CRYBG3: variants seen among roughly 807,000 people sequenced by gnomAD.
CRYBG3 encodes very large A-kinase anchor protein.
CRYBG3 carries 127 observed loss-of-function variants against 244.2 expected under a neutral mutation model. That is an observed-to-expected ratio of 0.52 (90% CI 0.45 to 0.60). The LOEUF (loss-of-function observed/expected upper bound fraction) is 0.60, where lower values mean the gene tolerates loss of function less well. Ranked by LOEUF, CRYBG3 falls within the 20% of genes least tolerant of loss-of-function variation. CRYBG3 has a pLI of 0.00. For synonymous variants in CRYBG3, 1,132 were observed against 1,195.8 expected (o/e 0.95, Z 1.10); for missense variants, 3,325 against 3,442.5 (o/e 0.97, Z 0.85).
intron 1 of CRYBG3, among the ~76,000 whole-genome samples, chr3:97,842,423 TG>T (rs933558209): frequency 1.1e-4 from 16 of 151,912 alleles, no homozygotes; most frequent in African/African-American, 2.7e-4. Context: ...TAACTGGGCA[TG>T]GTAGCATGCA....
intron 1 of CRYBG3, among the ~76,000 whole-genome samples, chr3:97,830,508 A>G (rs1183633332): frequency 2.6e-5 from 4 of 152,178 alleles, no homozygotes; most frequent in Non-Finnish European, 4.4e-5. Flanking sequence ...TATATCTAAC[A>G]AACAAGGGTA....
chr3:97,840,833 C>T (rs1038824420), intron 1 of CRYBG3: 7 of 152,106 alleles, frequency 4.6e-5, no homozygotes, highest in African/African-American at 1.7e-4. Flanking sequence ...ATTCACTTGT[C>T]AAGGTCAGCA....
In CRYBG3 at chr3:97,877,239, C is replaced by T. The variant is rs774132231; in HGVS notation, c.6045C>T (p.Ser2015=). 7.4e-6 allele frequency: 12 copies of T among 1,613,420 alleles called. No individual in the cohort carries two copies. In the African/African-American group the frequency reaches 8.0e-5, roughly 11 times the overall value. ...TTCAAGAGGAGGACAAGTATGCTTC[C>T]GCAGAAGCAAGACAAACACAGTCTG... is the stretch of plus-strand genomic sequence containing the variant. ...EPLQEEDKYA[S]AEARQTQSVL... is the part of the protein sequence containing the mutation. The change falls in exon 4 of 22, where the codon TCC becomes TCT. Residue 2015 remains serine, a synonymous_variant. Coordinates refer to ENST00000389622, the MANE Select transcript of CRYBG3 (RefSeq NM_153605.4).
At chr3:97,835,941 G>A (rs181419608) in intron 1 of CRYBG3, among the ~76,000 whole-genome samples, 27 of 152,250 alleles carry the variant, frequency 1.8e-4, no homozygotes, top group African/African-American at 5.5e-4. Flanking sequence ...AGGTTATGAG[G>A]TGGACGGAGA....
intron 15 of CRYBG3, among the ~76,000 whole-genome samples, chr3:97,901,988 C>T (rs2039711224): frequency 6.6e-6 from 1 of 152,160 alleles, no homozygotes. Context: ...TTGCTTTACC[C>T]AGTATCAAAG....
chr3:97,895,999 T>C lies in CRYBG3; in HGVS notation c.7615T>C (p.Phe2539Leu). The C allele has an allele frequency of 1.2e-6, 2 of 1,613,618 alleles. No homozygotes were observed. The highest frequency in any genetic ancestry group is 1.3e-5 in the African/African-American group (1 of 74,990). ...YEKEHFKGQQ[F>L]LLEEGDFEDS... The stretch of plus-strand genomic sequence containing the variant: ...AAAAGAACATTTTAAAGGCCAGCAG[T>C]TTCTGCTTGAAGAAGGAGACTTTGA... Residue 2539 changes from phenylalanine (F) to leucine (L), a missense_variant, in exon 12 of 22, where the codon TTT becomes CTT. Around this residue, in one of 4 missense-constraint regions of CRYBG3, gnomAD observed 714 missense variants for 803.6 expected, o/e 0.89. Transcript: ENST00000389622.
At chr3:97,835,697 A>G (rs548034142) in intron 1 of CRYBG3, among the ~76,000 whole-genome samples, 1 of 152,276 alleles carries the variant, frequency 6.6e-6, no homozygotes, top group East Asian at 1.9e-4. Flanking sequence ...AAGAATTTAC[A>G]GAGGAGGAAG....
chr3:97,933,670 G>A (rs754887334), intron 17 of CRYBG3, 24 bp from the exon 18 acceptor site: 2 of 1,611,656 alleles, frequency 1.2e-6, no homozygotes, highest in African/African-American at 1.3e-5. Context: ...CTCCTATGGT[G>A]ACGCTTTCTT....
intron 2 of CRYBG3, among the ~76,000 whole-genome samples, chr3:97,856,107 AT>A (rs964916267): frequency 6.6e-5 from 10 of 152,042 alleles, no homozygotes; most frequent in African/African-American, 2.4e-4. Context: ...TAAGGGGGCC[AT>A]TTATAGGCCT....
chr3:97,906,460 C>T (rs2039776051), intron 15 of CRYBG3, among the ~76,000 whole-genome samples: 1 of 120,006 alleles, frequency 8.3e-6, no homozygotes, highest in Non-Finnish European at 1.8e-5. Flanking sequence ...AGGTCCTTCA[C>T]ATCCCTTGTA....
At chr3:97,917,755 GT>G (rs2039943568) in intron 17 of CRYBG3, among the ~76,000 whole-genome samples, 2 of 152,114 alleles carry the variant, frequency 1.3e-5, no homozygotes, top group Non-Finnish European at 2.9e-5. Flanking sequence ...TCATCAGGAG[GT>G]TATTTGTTGA....
chr3:97,905,203 T>C (rs1444325573), intron 15 of CRYBG3, among the ~76,000 whole-genome samples: 4 of 152,044 alleles, frequency 2.6e-5, no homozygotes, highest in Non-Finnish European at 1.5e-5. Flanking sequence ...GCAATAAATA[T>C]ACGTGTGCAT....
rs542243146 is a variant in CRYBG3, at chr3:97,908,953, A to G, written c.8005-3214A>G. 5.3e-5 allele frequency among the ~76,000 whole-genome samples: 8 copies of G among 151,944 alleles called. No homozygotes were observed. The South Asian group carries it at 1.7e-3, about 32-fold the overall frequency. On this transcript the variant is annotated intron_variant, in intron 15 of 21. Transcript: ENST00000389622. The stretch of plus-strand genomic sequence containing the variant: ...TTTAGGGCAGGCCTGGTGGTGACAA[A>G]ATCTCTCAGCATATGCTTGTCTGTA...
chr3:97,853,943 T>A (rs2039026489), intron 2 of CRYBG3, among the ~76,000 whole-genome samples: 4 of 152,316 alleles, frequency 2.6e-5, no homozygotes, highest in African/African-American at 7.2e-5. Context: ...TCTACTAGAA[T>A]TATTATGGTC....
In CRYBG3 at chr3:97,876,097, G is replaced by A; in HGVS notation, c.4903G>A (p.Glu1635Lys). Reference protein sequence around the residue: ...KDTEGDIGKIEVIPMMPEVKN... With the variant: ...KDTEGDIGKIKVIPMMPEVKN... The stretch of plus-strand genomic sequence containing the variant: ...TACTGAAGGGGATATTGGCAAAATT[G>A]AGGTGATACCTATGATGCCAGAAGT... Residue 1635 changes from glutamate (E) to lysine (K), a missense_variant, in exon 4 of 22, where the codon GAG (glutamate) becomes AAG (lysine). Glu to Lys is a moderately conservative substitution (Grantham distance 56, BLOSUM62 1). Transcript: ENST00000389622. 8.1e-7 allele frequency: 1 copy of A among 1,232,074 alleles called. No individual in the cohort carries two copies. Among genetic ancestry groups the A allele is most frequent in the Non-Finnish European group, 1.0e-6 (1 of 987,916 alleles). 76.3% of individuals were successfully genotyped at this position (1,232,074 alleles called of 1,614,324 possible).
rs922785592 is a variant in CRYBG3, at chr3:97,908,599, C to G, written c.8005-3568C>G. ...GCCTTTTTTTGTTTTCCATTTGCTT[C>G]ATAGATCTTCCTCCATCCTTTTATT... On this transcript the variant is annotated intron_variant, in intron 15 of 21. Coordinates refer to ENST00000389622, the MANE Select transcript of CRYBG3 (RefSeq NM_153605.4). Among the ~76,000 whole-genome samples the G allele has an allele frequency of 1.1e-4, 16 of 152,194 alleles. No homozygotes were observed. The South Asian group carries it at 2.9e-3, about 28-fold the overall frequency.
intron 4 of CRYBG3, among the ~76,000 whole-genome samples, chr3:97,879,129 T>C (rs556767910): frequency 2.8e-4 from 42 of 152,310 alleles, no homozygotes; most frequent in Admixed American, 5.2e-4. Flanking sequence ...CCAAATCAAG[T>C]GGCACCTCTT....
At chr3:97,829,146 ATGTATGATCC>A (rs1386997808) in intron 1 of CRYBG3, among the ~76,000 whole-genome samples, 1 of 152,192 alleles carries the variant, frequency 6.6e-6, no homozygotes, top group Non-Finnish European at 1.5e-5. Context: ...AAACAAGAGA[ATGTATGATCC>A]TGAGTTGGCA....
chr3:97,889,497 A>G, intron 10 of CRYBG3, 107 bp downstream of exon 10: 2 of 937,758 alleles, frequency 2.1e-6, no homozygotes, highest in South Asian at 2.9e-5. Flanking sequence ...ATATGATTAT[A>G]CTTAGCTAAT....
Sources: allele counts gnomAD v4.1 joint callset (sites outside exome capture counted in the v4.1 genomes callset), GRCh38; gene constraint gnomAD v4.1.1; regional missense constraint gnomAD v4.1.1; transcripts MANE v1.5; gene names NCBI Gene and HGNC (gene_info 2026-07-23, HGNC 2026-07-21).